The following MBD5 variants were observed in gnomAD, a reference collection of about 807,000 sequenced individuals.
MBD5 encodes methyl-CpG binding domain protein 5.
Under a neutral mutation model 117.3 loss-of-function variants are expected in MBD5, and 13 were observed. That is an observed-to-expected ratio of 0.11 (90% CI 0.07 to 0.18). MBD5 has a LOEUF of 0.18. MBD5 is among the 10% of genes least tolerant of loss of function. The pLI is 1.00. For missense variants in MBD5, 1,879 were observed against 2,093.8 expected (o/e 0.90, Z 2.00); for synonymous variants, 727 against 766.4 (o/e 0.95, Z 0.85).
chr2:148,209,819 C>T (rs1699376829), intron 2 of MBD5, among the ~76,000 whole-genome samples: 1 of 152,022 alleles, frequency 6.6e-6, no homozygotes, highest in African/African-American at 2.4e-5. Flanking sequence ...TTTTAAACAA[C>T]CATATTTCAC....
chr2:148,296,863 A>ATTTTTTTTTTT lies in MBD5; in HGVS notation c.-679-45351_-679-45350insTTTTTTTTTTT, dbSNP rs1559010681. Among the ~76,000 whole-genome samples, 39 of 37,706 alleles carry ATTTTTTTTTTT rather than the reference A, an allele frequency of 1.0e-3. 2 individuals are homozygous for ATTTTTTTTTTT. The highest frequency in any genetic ancestry group is 1.5e-3 in the Non-Finnish European group (29 of 18,966). The allele number at this position is 37,706 out of a possible 152,430, so 24.7% of individuals were successfully genotyped here. Reference sequence around the variant, plus strand: ...TAAGCATAGTTTGCTTTAGTTCTTCAATTTTTTTTTTTTTTTTTTTTGGAG... The same window carrying ATTTTTTTTTTT: ...TAAGCATAGTTTGCTTTAGTTCTTCATTTTTTTTTTTATTTTTTTTTTTTTTTTTTTTGGAG... On this transcript the variant is annotated intron_variant, in intron 3 of 13. Transcript: ENST00000642680.
At chr2:148,467,411 T>C (rs1315638332) in intron 7 of MBD5, among the ~76,000 whole-genome samples, 1 of 152,126 alleles carries the variant, frequency 6.6e-6, no homozygotes, top group Non-Finnish European at 1.5e-5. Flanking sequence ...AATGCACTCA[T>C]GTAAAAAGAG....
chr2:148,056,894 A>AT lies in MBD5; in HGVS notation c.-925+35220dup, dbSNP rs900316076. 8.6e-4 allele frequency among the ~76,000 whole-genome samples: 128 copies of AT among 148,804 alleles called. No homozygotes were observed. The South Asian group carries it at 0.013, about 15-fold the overall frequency. On this transcript the variant is annotated intron_variant, in intron 1 of 13. Transcript: ENST00000642680. ...GAGAGCATTTTTAACTTTTGATGTAATTTTTTTTTTAGTTGTCAAAGGATT... is the reference window on the plus strand; with the variant it reads ...GAGAGCATTTTTAACTTTTGATGTAATTTTTTTTTTTAGTTGTCAAAGGATT...
intron 1 of MBD5, among the ~76,000 whole-genome samples, chr2:148,135,306 C>T (rs918466224): frequency 6.6e-6 from 1 of 152,172 alleles, no homozygotes; most frequent in African/African-American, 2.4e-5. Flanking sequence ...ACTTGTGTTA[C>T]TTCTTTTTTC....
chr2:148,226,935 C>A (rs28783696), intron 2 of MBD5, among the ~76,000 whole-genome samples: 15,205 of 152,100 alleles, frequency 0.1, 815 homozygotes, highest in South Asian at 0.16. Flanking sequence ...CTGTTCATAC[C>A]CTTGACCCAC....
intron 1 of MBD5, among the ~76,000 whole-genome samples, chr2:148,022,130 T>C (rs1304530953): frequency 6.6e-6 from 1 of 152,242 alleles, no homozygotes; most frequent in African/African-American, 2.4e-5. Context: ...CTGGATTGTA[T>C]TGGAACTGCT....
chr2:148,438,897 T>A (rs1246043886), intron 4 of MBD5, among the ~76,000 whole-genome samples: 1 of 152,162 alleles, frequency 6.6e-6, no homozygotes, highest in East Asian at 1.9e-4. Context: ...CTTTCCCACC[T>A]AGTTCACTCA....
chr2:148,345,448 C>CATACACATATACATATGTAT (rs1559033076), intron 4 of MBD5, among the ~76,000 whole-genome samples: 1 of 50,878 alleles, frequency 2.0e-5, no homozygotes, highest in Non-Finnish European at 4.1e-5. Flanking sequence ...TGTATATACA[C>CATACACATATACATATGTAT]ATACACATAT....
In MBD5 at chr2:148,398,001, A is replaced by G. The variant is rs546478524; in HGVS notation, c.-557+55665A>G. On this transcript the variant is annotated intron_variant, in intron 4 of 13. Transcript: ENST00000642680. Reference sequence around the variant, plus strand: ...CATGAACTCATCATTTTTTATGGATACATAGTATTCCATGGTGTATATGTG... The same window carrying G: ...CATGAACTCATCATTTTTTATGGATGCATAGTATTCCATGGTGTATATGTG... Among the ~76,000 whole-genome samples, 1,405 of 152,246 alleles carry G rather than the reference A, an allele frequency of 9.2e-3. 3 individuals carry two copies. The highest frequency in any genetic ancestry group is 0.012 in the Non-Finnish European group (848 of 67,992).
chr2:148,397,802 C>A lies in MBD5; in HGVS notation c.-557+55466C>A, dbSNP rs1051384042. The stretch of plus-strand genomic sequence containing the variant: ...TATCTCCTAATCCTATCCCTCCCCT[C>A]TCCCCCTACCCCACAACAGGCCCCA... On this transcript the variant is annotated intron_variant, in intron 4 of 13. Coordinates refer to ENST00000642680, the MANE Select transcript of MBD5 (RefSeq NM_001378120.1). Among the ~76,000 whole-genome samples the A allele has an allele frequency of 2.0e-4, 29 of 145,596 alleles. No individual in the cohort carries two copies. The Middle Eastern group carries it at 0.011, about 54-fold the overall frequency.
chr2:148,328,502 G>A (rs1323402509), intron 3 of MBD5, among the ~76,000 whole-genome samples: 2 of 152,194 alleles, frequency 1.3e-5, no homozygotes, highest in African/African-American at 4.8e-5. Flanking sequence ...GACTCTGTGG[G>A]CGTAGGACCC....
chr2:148,186,932 G>A (rs574712837), intron 2 of MBD5, among the ~76,000 whole-genome samples: 3 of 152,158 alleles, frequency 2.0e-5, no homozygotes, highest in Non-Finnish European at 4.4e-5. Context: ...AAACAATGAA[G>A]AGAGTCTTAG....
intron 1 of MBD5, among the ~76,000 whole-genome samples, chr2:148,133,998 A>G (rs1319499598): frequency 6.6e-6 from 1 of 152,180 alleles, no homozygotes; most frequent in Admixed American, 6.5e-5. Context: ...CAGGATAATG[A>G]GGGCAGATAT....
chr2:148,476,174 A>G (rs1178069462), intron 8 of MBD5, among the ~76,000 whole-genome samples: 5 of 150,238 alleles, frequency 3.3e-5, no homozygotes, highest in African/African-American at 9.8e-5. Context: ...TGTGCTGCAT[A>G]ACTCCACAGG....
intron 1 of MBD5, among the ~76,000 whole-genome samples, chr2:148,143,768 C>T (rs1697374993): frequency 6.6e-6 from 1 of 152,170 alleles, no homozygotes; most frequent in Non-Finnish European, 1.5e-5. Context: ...CAGGTCCCTA[C>T]AAAGGACATG....
chr2:148,446,996 T>C (rs1706555253), intron 4 of MBD5, among the ~76,000 whole-genome samples: 1 of 151,782 alleles, frequency 6.6e-6, no homozygotes, highest in Non-Finnish European at 1.5e-5. Context: ...AATTATTTGA[T>C]TTCCAAGATG....
rs1706960618 is a variant in MBD5, at chr2:148,458,700, A to C, written c.-59A>C. On this transcript the variant is annotated 5_prime_UTR_variant, in exon 5 of 14. Coordinates refer to ENST00000642680, the MANE Select transcript of MBD5 (RefSeq NM_001378120.1). ...ACTTTTGAAGGCCATCATGCTCTGT[A>C]ATATAAGGATATCATCTTATTGCTG... is the stretch of plus-strand genomic sequence containing the variant. 1 of 1,429,610 alleles carries C rather than the reference A, an allele frequency of 7.0e-7. No individual in the cohort carries two copies. Among genetic ancestry groups the C allele is most frequent in the African/African-American group, 1.4e-5 (1 of 71,184 alleles). 88.6% of individuals were successfully genotyped at this position (1,429,610 alleles called of 1,614,324 possible). A position where few individuals can be genotyped will look rare whatever the true frequency, so the allele number is the denominator to read the frequency against.
intron 2 of MBD5, among the ~76,000 whole-genome samples, chr2:148,184,306 C>T (rs989539237): frequency 6.6e-6 from 1 of 152,130 alleles, no homozygotes; most frequent in Non-Finnish European, 1.5e-5. Flanking sequence ...AGCCACCAGA[C>T]CCAGCCTATT....
chr2:148,263,392 CTT>C (rs954112642), intron 3 of MBD5, among the ~76,000 whole-genome samples: 5 of 152,054 alleles, frequency 3.3e-5, no homozygotes, highest in African/African-American at 1.2e-4. Context: ...GAGGAGAAAA[CTT>C]TTTGTAAGCC....
Sources: allele counts gnomAD v4.1 joint callset (sites outside exome capture counted in the v4.1 genomes callset), GRCh38; gene constraint gnomAD v4.1.1; transcripts MANE v1.5; gene names NCBI Gene and HGNC (gene_info 2026-07-23, HGNC 2026-07-21).